The following CCDC187 variants were observed in gnomAD, a reference collection of about 807,000 sequenced individuals.
The protein encoded by CCDC187 is coiled-coil domain containing 187.
CCDC187 carries 32 observed loss-of-function variants against 38.0 expected under a neutral mutation model. The observed-to-expected ratio is 0.84, with a 90% CI of 0.64 to 1.13. The LOEUF is 1.13. Among genes scored for constraint, CCDC187 ranks in the 50% most tolerant of loss-of-function variants. CCDC187 has a pLI of 0.00. For synonymous variants in CCDC187, 333 were observed against 347.9 expected (o/e 0.96, Z 0.48); for missense variants, 707 against 786.8 (o/e 0.90, Z 1.21).
chr9:136,279,072 T>C (rs1830989481), intron 10 of CCDC187, among the ~76,000 whole-genome samples: 1 of 148,510 alleles, frequency 6.7e-6, no homozygotes, highest in Non-Finnish European at 1.5e-5. Flanking sequence ...CATGGACAAC[T>C]CTGGTCTGGG....
chr9:136,260,918 C>CA (rs782007866), intron 19 of CCDC187, among the ~76,000 whole-genome samples: 55 of 152,354 alleles, frequency 3.6e-4, no homozygotes, highest in Non-Finnish European at 7.2e-4. Flanking sequence ...GTGCCCCACA[C>CA]AGGCTCTGGA....
chr9:136,289,379 C>T lies in CCDC187; in HGVS notation c.2222+580G>A, dbSNP rs895545419. On this transcript the variant is annotated intron_variant, in intron 7 of 25. Transcript: ENST00000638797. ...CTAAAAATACAAAAAATTAGCCGGGCGTTGTGGCAGGTGCCTATAATCCCA... is the reference window on the plus strand; with the variant it reads ...CTAAAAATACAAAAAATTAGCCGGGTGTTGTGGCAGGTGCCTATAATCCCA... 3.9e-5 allele frequency among the ~76,000 whole-genome samples: 6 copies of T among 151,906 alleles called. 1 individual carries two copies. In the South Asian group the frequency reaches 1.0e-3, roughly 26 times the overall value.
chr9:136,298,511 G>C (rs1184565219), intron 3 of CCDC187, among the ~76,000 whole-genome samples: 1 of 152,172 alleles, frequency 6.6e-6, no homozygotes, highest in African/African-American at 2.4e-5. Context: ...CAGCTGGGGT[G>C]GGGGAGTATC....
At chr9:136,287,798 A>C (rs1831216829) in intron 7 of CCDC187, among the ~76,000 whole-genome samples, 1 of 152,192 alleles carries the variant, frequency 6.6e-6, no homozygotes, top group African/African-American at 2.4e-5. Context: ...GTGGCTGCCA[A>C]GGGCTGGGGA....
chr9:136,250,291 C>T lies in CCDC187; in HGVS notation c.*3303G>A. On this transcript the variant is annotated 3_prime_UTR_variant, in exon 26 of 26. Coordinates refer to ENST00000638797, the MANE Select transcript of CCDC187 (RefSeq NM_001378188.1). Reference sequence around the variant, plus strand: ...CCAGCCCCCTTCAAGGGCACCCTACCACCTGCCAGCGACGCGAGGCACCTG... The same window carrying T: ...CCAGCCCCCTTCAAGGGCACCCTACTACCTGCCAGCGACGCGAGGCACCTG... 1 of 174,584 alleles carries T rather than the reference C, an allele frequency of 5.7e-6. No individual in the cohort carries two copies. Among genetic ancestry groups the T allele is most frequent in the Non-Finnish European group, 1.2e-5 (1 of 80,860 alleles). The allele number at this position is 174,584 out of a possible 1,614,324, so 10.8% of individuals were successfully genotyped here. A position where few individuals can be genotyped will look rare whatever the true frequency, so the allele number is the denominator to read the frequency against.
intron 4 of CCDC187, among the ~76,000 whole-genome samples, chr9:136,292,863 A>G (rs1178740313): frequency 6.6e-6 from 1 of 152,218 alleles, no homozygotes. Context: ...CTGGCAGGGC[A>G]GGGAGTCCCG....
intron 19 of CCDC187, among the ~76,000 whole-genome samples, chr9:136,261,538 C>T (rs1291531749): frequency 6.6e-6 from 1 of 152,186 alleles, no homozygotes; most frequent in Non-Finnish European, 1.5e-5. Flanking sequence ...CGGTATTTGG[C>T]CTGGAAGCCT....
intron 3 of CCDC187, among the ~76,000 whole-genome samples, chr9:136,298,684 G>A (rs1054377710): frequency 6.6e-6 from 1 of 152,248 alleles, no homozygotes; most frequent in African/African-American, 2.4e-5. Flanking sequence ...GGAGCCTCAA[G>A]AGCCAGGTCC....
chr9:136,300,784 G>C (rs995014958), intron 2 of CCDC187, among the ~76,000 whole-genome samples: 1 of 152,176 alleles, frequency 6.6e-6, no homozygotes, highest in Non-Finnish European at 1.5e-5. Context: ...ATTTTTAGTA[G>C]AGACGGGGTT....
At position 136,287,824 on chromosome 9, in the gene CCDC187, G is replaced by A. The variant is rs890615054; in HGVS notation, c.2223-1129C>T. On this transcript the variant is annotated intron_variant, in intron 7 of 25. Transcript: ENST00000638797. ...GGGCTGGGGAGGAGATGGAGAGTTA[G>A]TGTTTCATGGGGACAGAGTGTCAGT... is the stretch of plus-strand genomic sequence containing the variant. Among the ~76,000 whole-genome samples the A allele has an allele frequency of 1.1e-4, 17 of 152,314 alleles. No individual in the cohort carries two copies. The East Asian group carries it at 2.7e-3, about 24-fold the overall frequency.
intron 18 of CCDC187, among the ~76,000 whole-genome samples, chr9:136,262,941 G>T (rs1830696567): frequency 6.6e-6 from 1 of 151,994 alleles, no homozygotes; most frequent in Non-Finnish European, 1.5e-5. Context: ...CGGTGGACAT[G>T]GGGGACAGGA....
intron 4 of CCDC187, among the ~76,000 whole-genome samples, chr9:136,295,338 G>T (rs1397843423): frequency 1.2e-4 from 18 of 152,352 alleles, no homozygotes; most frequent in African/African-American, 3.8e-4. Flanking sequence ...GCCCGCCAGA[G>T]GGTCCCGCTC....
chr9:136,290,435 C>A, intron 6 of CCDC187, 51 bp downstream of exon 6: 1 of 398,690 alleles, frequency 2.5e-6, no homozygotes, highest in Non-Finnish European at 4.4e-6. Flanking sequence ...AGCGCCTAAG[C>A]CTCTGGCCCA....
At chr9:136,287,344 T>C (rs1831206091) in intron 7 of CCDC187, among the ~76,000 whole-genome samples, 1 of 152,028 alleles carries the variant, frequency 6.6e-6, no homozygotes, top group African/African-American at 2.4e-5. Flanking sequence ...TGTGAGAAAG[T>C]TTCATTTGTC....
intron 11 of CCDC187, 70 bp downstream of exon 11, chr9:136,276,581 G>A (rs1423535349): frequency 6.6e-6 from 1 of 152,062 alleles, no homozygotes; most frequent in African/African-American, 2.4e-5. Flanking sequence ...TGGCCTCTGG[G>A]AGACAGAGGC....
chr9:136,305,932 C>T (rs1831796878), upstream of CCDC187, among the ~76,000 whole-genome samples: 1 of 152,204 alleles, frequency 6.6e-6, no homozygotes, highest in African/African-American at 2.4e-5. Flanking sequence ...AATCAGGAGA[C>T]ACACGTCAGC....
intron 9 of CCDC187, among the ~76,000 whole-genome samples, chr9:136,284,065 T>C (rs1272792743): frequency 1.3e-5 from 2 of 151,994 alleles, no homozygotes; most frequent in Non-Finnish European, 1.5e-5. Context: ...CTGGTGGGGT[T>C]TCCTAGGAAG....
rs541553057 is a variant in CCDC187 at position 136,254,876 on chromosome 9, C to T, written c.4952G>A (p.Ser1651Asn). Residue 1651 changes from serine (S) to asparagine (N), a missense_variant, in exon 26 of 26, where the codon AGC becomes AAC. Physicochemically the swap from Ser to Asn is conservative, Grantham distance 46. Transcript: ENST00000638797. ...GTCTGGGGAGTCTTCAGCTTCCAAG[C>T]TGGGAAGAGAGCTGGAGCTCCCAGA... ...QLSGSSSSLP[S>N]LEAEDSPDEG... 7.1e-6 allele frequency: 7 copies of T among 985,532 alleles called. No homozygotes were observed. The East Asian group carries it at 7.9e-4, about 112-fold the overall frequency. The allele number at this position is 985,532 out of a possible 1,614,324, so 61.0% of individuals were successfully genotyped here.
At chr9:136,282,666 C>T (rs1475094994) in intron 9 of CCDC187, among the ~76,000 whole-genome samples, 1 of 152,208 alleles carries the variant, frequency 6.6e-6, no homozygotes, top group African/African-American at 2.4e-5. Context: ...GTAGACACGC[C>T]CTCCCTCAGC....
Sources: gnomAD v4.1 joint callset for allele counts (sites outside exome capture counted in the v4.1 genomes callset) on GRCh38, gnomAD v4.1.1 for gene constraint, MANE v1.5 for transcripts, NCBI Gene and HGNC (gene_info 2026-07-23, HGNC 2026-07-21) for gene names.